GPC5: variants seen among roughly 807,000 people sequenced by gnomAD.
The protein encoded by GPC5 is glypican-5.
In GPC5, 47 loss-of-function variants were observed where a neutral mutation model predicts 53.9. The observed-to-expected ratio is 0.87, with a 90% confidence interval of 0.69 to 1.11. The LOEUF is 1.11. Ranked by LOEUF, GPC5 falls within the 50% of genes most tolerant of loss-of-function variation. The probability of loss-of-function intolerance (pLI) is 0.00; values close to 1 mark genes in which losing one functional copy is unlikely to be tolerated. For missense variants in GPC5, 748 were observed against 713.1 expected, an observed-to-expected ratio of 1.05 and a Z score of -0.56; for synonymous variants, 286 against 263.3, an observed-to-expected ratio of 1.09 and a Z score of -0.84.
chr13:91,726,247 A>G (rs2036574303), intron 3 of GPC5, among the ~76,000 whole-genome samples: 1 of 152,098 alleles, frequency 6.6e-6, no homozygotes, highest in East Asian at 1.9e-4. Context: ...CCTCTCTTCT[A>G]TCTGTAACTC....
intron 7 of GPC5, among the ~76,000 whole-genome samples, chr13:92,159,579 C>T (rs1340358282): frequency 7.0e-6 from 1 of 143,864 alleles, no homozygotes; most frequent in Non-Finnish European, 1.5e-5. Context: ...TATGTAATCA[C>T]TAATACCAAT....
At chr13:92,242,280 C>T (rs2042618771) in intron 7 of GPC5, among the ~76,000 whole-genome samples, 1 of 151,732 alleles carries the variant, frequency 6.6e-6, no homozygotes, top group Non-Finnish European at 1.5e-5. Context: ...CCCACCAAGC[C>T]TTCTTTCCTA....
intron 4 of GPC5, among the ~76,000 whole-genome samples, chr13:91,731,556 T>A (rs925459746): frequency 6.6e-6 from 1 of 152,146 alleles, no homozygotes; most frequent in African/African-American, 2.4e-5. Context: ...GGGATAAAAG[T>A]GCAGAAGGTG....
intron 7 of GPC5, among the ~76,000 whole-genome samples, chr13:92,306,022 G>A (rs1211259890): frequency 6.6e-6 from 1 of 152,182 alleles, no homozygotes; most frequent in Non-Finnish European, 1.5e-5. Context: ...TACGTGGACT[G>A]AGAAGAGCAA....
intron 2 of GPC5, among the ~76,000 whole-genome samples, chr13:91,479,789 A>G (rs1426146509): frequency 1.3e-5 from 2 of 152,140 alleles, no homozygotes; most frequent in African/African-American, 4.8e-5. Context: ...TGATATATTT[A>G]TATTTTCTAC....
intron 5 of GPC5, among the ~76,000 whole-genome samples, chr13:91,778,250 G>T (rs2037742822): frequency 6.6e-6 from 1 of 152,138 alleles, no homozygotes; most frequent in South Asian, 2.1e-4. Flanking sequence ...AAAGTCTTCA[G>T]GAGTTCAGGC....
chr13:92,860,946 G>A (rs1425152281), intron 7 of GPC5, among the ~76,000 whole-genome samples: 2 of 151,858 alleles, frequency 1.3e-5, no homozygotes, highest in Non-Finnish European at 2.9e-5. Flanking sequence ...CCTAATTATT[G>A]CTAAATGCTT....
At chr13:92,305,046 A>C (rs1436451775) in intron 7 of GPC5, among the ~76,000 whole-genome samples, 1 of 152,188 alleles carries the variant, frequency 6.6e-6, no homozygotes, top group Non-Finnish European at 1.5e-5. Context: ...TTATTTTCAA[A>C]GTTGTTTAAG....
At chr13:91,855,804 A>T (rs1275404676) in intron 5 of GPC5, among the ~76,000 whole-genome samples, 4 of 151,614 alleles carry the variant, frequency 2.6e-5, no homozygotes, top group Non-Finnish European at 5.9e-5. Context: ...CTGAGTTTTT[A>T]ATTTTAGTTT....
chr13:91,630,805 A>G (rs1227423075), intron 2 of GPC5, among the ~76,000 whole-genome samples: 2 of 152,186 alleles, frequency 1.3e-5, no homozygotes, highest in African/African-American at 4.8e-5. Context: ...GGGAGGAGGA[A>G]AGAAAGGGGG....
chr13:92,019,345 A>G (rs1374043379), intron 6 of GPC5, among the ~76,000 whole-genome samples: 1 of 152,042 alleles, frequency 6.6e-6, no homozygotes, highest in African/African-American at 2.4e-5. Flanking sequence ...GGTCTTTAAT[A>G]TAGAAGACAC....
chr13:91,416,261 A>C (rs1191741191), intron 1 of GPC5, among the ~76,000 whole-genome samples: 1 of 152,142 alleles, frequency 6.6e-6, no homozygotes, highest in Non-Finnish European at 1.5e-5. Context: ...TGACCTCAAA[A>C]AGAATAACTA....
chr13:91,459,858 A>G (rs888755451), intron 2 of GPC5, among the ~76,000 whole-genome samples: 37 of 152,172 alleles, frequency 2.4e-4, no homozygotes, highest in African/African-American at 8.4e-4. Flanking sequence ...TTTTGATATA[A>G]TTCACAATTC....
At chr13:92,710,131 T>G (rs573689562) in intron 7 of GPC5, among the ~76,000 whole-genome samples, 1 of 152,182 alleles carries the variant, frequency 6.6e-6, no homozygotes, top group Non-Finnish European at 1.5e-5. Context: ...ACGTTTTAAT[T>G]GTCATAATAG....
At chr13:91,987,641 A>G (rs1444059813) in intron 6 of GPC5, among the ~76,000 whole-genome samples, 21 of 150,966 alleles carry the variant, frequency 1.4e-4, no homozygotes. Flanking sequence ...GCTAAATGAA[A>G]TTTGGGAATT....
chr13:92,632,400 C>T (rs565770628), intron 7 of GPC5, among the ~76,000 whole-genome samples: 19 of 149,416 alleles, frequency 1.3e-4, no homozygotes, highest in South Asian at 8.4e-4. Context: ...ACGACTGCAA[C>T]GTGCAAGTTA....
chr13:91,917,853 A>G (rs2039674970), intron 6 of GPC5, among the ~76,000 whole-genome samples: 1 of 152,114 alleles, frequency 6.6e-6, no homozygotes, highest in Non-Finnish European at 1.5e-5. Flanking sequence ...GGAAGTTCCA[A>G]AATTCCCACA....
intron 2 of GPC5, among the ~76,000 whole-genome samples, chr13:91,596,110 T>C (rs2032984808): frequency 1.3e-5 from 2 of 152,366 alleles, no homozygotes; most frequent in South Asian, 4.1e-4. Flanking sequence ...ATGATCTTTG[T>C]AGTTGATAAT....
At chr13:92,331,934 T>G (rs997037234) in intron 7 of GPC5, among the ~76,000 whole-genome samples, 12 of 152,116 alleles carry the variant, frequency 7.9e-5, no homozygotes, top group African/African-American at 2.7e-4. Context: ...AATGGAGCCC[T>G]GGATAAAATT....
Sources: gnomAD v4.1 joint callset for allele counts (sites outside exome capture counted in the v4.1 genomes callset) on GRCh38, gnomAD v4.1.1 for gene constraint, MANE v1.5 for transcripts, NCBI Gene and HGNC (gene_info 2026-07-23, HGNC 2026-07-21) for gene names.